BLVRA: variants seen among roughly 807,000 people sequenced by gnomAD.
The protein encoded by BLVRA is BVR A.
In BLVRA, 22 loss-of-function variants were observed where a neutral mutation model predicts 32.8. The ratio of observed to expected loss-of-function variants is 0.67; its 90% CI spans 0.48 to 0.96. The LOEUF (loss-of-function observed/expected upper bound fraction) is 0.96, where lower values mean the gene tolerates loss of function less well. BLVRA is among the 40% of genes least tolerant of loss of function. BLVRA has a pLI of 0.00. For synonymous variants in BLVRA, 119 were observed against 141.3 expected, an observed-to-expected ratio of 0.84 and a Z score of 1.12; for missense variants, 323 against 358.1, an observed-to-expected ratio of 0.90 and a Z score of 0.79.
At chr7:43,758,163 C>A (rs1369893748), upstream of BLVRA, among the ~76,000 whole-genome samples, 1 of 152,228 alleles carries the variant, frequency 6.6e-6, no homozygotes, top group Non-Finnish European at 1.5e-5. Context: ...ACATCGCAGA[C>A]ACCGGCCTCC....
intron 1 of BLVRA, among the ~76,000 whole-genome samples, chr7:43,761,019 A>G (rs1281276364): frequency 6.6e-6 from 1 of 152,016 alleles, no homozygotes; most frequent in Admixed American, 6.6e-5. Context: ...TCCACCCACC[A>G]TGGCCTCCCC....
chr7:43,778,881 G>A (rs1034316419), intron 2 of BLVRA, among the ~76,000 whole-genome samples: 1 of 152,216 alleles, frequency 6.6e-6, no homozygotes, highest in African/African-American at 2.4e-5. Context: ...CCCCAGCCTT[G>A]CTGCCACCTT....
At chr7:43,782,746 G>GA (rs1343644927) in intron 2 of BLVRA, among the ~76,000 whole-genome samples, 4 of 152,202 alleles carry the variant, frequency 2.6e-5, no homozygotes, top group Non-Finnish European at 4.4e-5. Context: ...AGTGAAATGT[G>GA]AAAAGAAAAC....
At chr7:43,794,185 G>A (rs1410821824) in intron 5 of BLVRA, among the ~76,000 whole-genome samples, 1 of 151,906 alleles carries the variant, frequency 6.6e-6, no homozygotes, top group Middle Eastern at 3.2e-3. Context: ...AACCATGATC[G>A]GGCCACTGCA....
Position 43,787,070 on chromosome 7 carries a change from C to T in BLVRA, c.13-834C>T, listed in dbSNP as rs1247324039. The stretch of plus-strand genomic sequence containing the variant: ...CCTAAGTAGCTGGGATTACAGGCGC[C>T]TGCCAACAGGCCCAGCTAATTTTTG... On this transcript the variant is annotated intron_variant, in intron 2 of 7. Transcript: ENST00000265523. This position sits in a 1 kb window ranked among gnomAD's most constrained non-coding sequence, Gnocchi z 4.5. 6.6e-6 allele frequency among the ~76,000 whole-genome samples: 1 copy of T among 151,924 alleles called. No homozygotes were observed. Among genetic ancestry groups the T allele is most frequent in the African/African-American group, 2.4e-5 (1 of 41,340 alleles).
intron 7 of BLVRA, among the ~76,000 whole-genome samples, chr7:43,805,226 A>T: frequency 6.6e-6 from 1 of 150,952 alleles, no homozygotes; most frequent in Admixed American, 6.6e-5. Context: ...CTTGAAGTTG[A>T]GTAGAAGTCA....
At chr7:43,779,579 C>T (rs1424992849) in intron 2 of BLVRA, among the ~76,000 whole-genome samples, 2 of 152,218 alleles carry the variant, frequency 1.3e-5, no homozygotes, top group Non-Finnish European at 2.9e-5. Context: ...CCAGCCCTGC[C>T]CCACTTGGGG....
intron 2 of BLVRA, among the ~76,000 whole-genome samples, chr7:43,784,943 G>T (rs2095775234): frequency 6.6e-6 from 1 of 152,080 alleles, no homozygotes; most frequent in Admixed American, 6.5e-5. Context: ...TGTCAGTTTT[G>T]CAAGGCAGTA....
In BLVRA at chr7:43,791,314, A is replaced by G. The variant is rs1338324544; in HGVS notation, c.200A>G (p.Glu67Gly). The G allele has an allele frequency of 6.2e-7, 1 of 1,614,090 alleles. No homozygotes were observed. Among genetic ancestry groups the G allele is most frequent in the Admixed American group, 1.7e-5 (1 of 60,002 alleles). Residue 67 changes from glutamate (E) to glycine (G), a missense_variant, in exon 4 of 8, where the codon GAG becomes GGG. Transcript: ENST00000265523. ...ISLEDALSSQ[E>G]VEVAYICSES... ...TTGGAGGATGCTCTTTCCAGCCAAG[A>G]GGTGGAGGTCGCCTATATCTGCAGT...
At chr7:43,765,830 C>T (rs2095747213) in intron 1 of BLVRA, among the ~76,000 whole-genome samples, 1 of 152,056 alleles carries the variant, frequency 6.6e-6, no homozygotes, top group African/African-American at 2.4e-5. Context: ...AAAAGAATAA[C>T]TGTATTCATA....
rs138063254 is a variant in BLVRA, at chr7:43,784,257, G to C, written c.13-3647G>C. Reference sequence around the variant, plus strand: ...AGAGCACAGCAGACAACTGAAAATGGAACTGTGGATGTCCTGGTTTCTGGA... The same window carrying C: ...AGAGCACAGCAGACAACTGAAAATGCAACTGTGGATGTCCTGGTTTCTGGA... On this transcript the variant is annotated intron_variant, in intron 2 of 7. Coordinates refer to ENST00000265523, the MANE Select transcript of BLVRA (RefSeq NM_000712.4). 3.3e-5 allele frequency among the ~76,000 whole-genome samples: 5 copies of C among 152,302 alleles called. No individual in the cohort carries two copies. The East Asian group carries it at 9.6e-4, about 29-fold the overall frequency.
At position 43,800,508 on chromosome 7, in the gene BLVRA, A is replaced by G. The variant is rs747581867; in HGVS notation, c.396A>G (p.Glu132=). The G allele has an allele frequency of 1.2e-6, 2 of 1,614,098 alleles. No homozygotes were observed. Among genetic ancestry groups the G allele is most frequent in the South Asian group, 1.1e-5 (1 of 91,084 alleles). ...HEEHVELLME[E]FAFLKKEVVG... Reference sequence around the variant, plus strand: ...AGCATGTTGAACTCTTGATGGAGGAATTCGCTTTCCTGAAAAAAGAAGTGG... The same window carrying G: ...AGCATGTTGAACTCTTGATGGAGGAGTTCGCTTTCCTGAAAAAAGAAGTGG... Residue 132 remains glutamate (E), a synonymous_variant, in exon 6 of 8, where the codon GAA becomes GAG. Transcript: ENST00000265523.
rs1585730895 is a variant in BLVRA at position 43,788,114 on chromosome 7, G to A, written c.134+89G>A. On this transcript the variant is annotated intron_variant, in intron 3 of 7. Transcript: ENST00000265523. ...GGACATGGAGATTTTCCAGACCCAG[G>A]GCAGGGAGAGCCATCTCCCAACTGA... 3.7e-6 allele frequency: 6 copies of A among 1,602,394 alleles called. No individual in the cohort carries two copies. In the East Asian group the frequency reaches 1.3e-4, roughly 36 times the overall value.
intron 6 of BLVRA, among the ~76,000 whole-genome samples, chr7:43,802,599 G>A (rs1242666455): frequency 6.6e-6 from 1 of 152,112 alleles, no homozygotes; most frequent in East Asian, 1.9e-4. Context: ...CTCAGGCCCA[G>A]ATGATCCTCC....
chr7:43,779,556 TA>T (rs1434310896), intron 2 of BLVRA, among the ~76,000 whole-genome samples: 1 of 152,212 alleles, frequency 6.6e-6, no homozygotes, highest in Non-Finnish European at 1.5e-5. Flanking sequence ...GTCTCCCTAT[TA>T]CGTTATCTTG....
intron 2 of BLVRA, among the ~76,000 whole-genome samples, chr7:43,777,681 T>G (rs1188079880): frequency 7.9e-5 from 12 of 152,174 alleles, no homozygotes; most frequent in Admixed American, 7.9e-4. Flanking sequence ...TGAATCTGAA[T>G]GTTGGCCTGC....
At position 43,792,703 on chromosome 7, in the gene BLVRA, C is replaced by T. The variant is rs373637235; in HGVS notation, c.255-12C>T. ...AAGTGTTCTTTCTCTGTATTTGTCT[C>T]GTTTACCAAAGGCAGTTCCTTAATG... On this transcript the variant is annotated splice_polypyrimidine_tract_variant and intron_variant, in intron 4 of 7. Transcript: ENST00000265523. 3 of 1,610,940 alleles carry T rather than the reference C, an allele frequency of 1.9e-6. No homozygotes were observed. Among genetic ancestry groups the T allele is most frequent in the African/African-American group, 2.7e-5 (2 of 74,862 alleles).
chr7:43,805,271 ACTCT>A (rs747771880), intron 7 of BLVRA, among the ~76,000 whole-genome samples: 7 of 130,094 alleles, frequency 5.4e-5, no homozygotes, highest in South Asian at 2.6e-4. Flanking sequence ...GCAGAGGCTG[ACTCT>A]CTCTCTCTTT....
intron 5 of BLVRA, 181 bp from the exon 6 acceptor site, chr7:43,800,284 T>G (rs1029769704): frequency 3.2e-6 from 2 of 629,778 alleles, no homozygotes; most frequent in African/African-American, 3.6e-5. Context: ...GTTGTAAGCT[T>G]AGAAGTAGCA....
Sources: gnomAD v4.1 joint callset for allele counts (sites outside exome capture counted in the v4.1 genomes callset) on GRCh38, gnomAD v4.1.1 for gene constraint, Gnocchi (gnomAD v3.1) non-coding constraint, MANE v1.5 for transcripts, NCBI Gene and HGNC (gene_info 2026-07-23, HGNC 2026-07-21) for gene names.